EDC3: variants seen among roughly 807,000 people sequenced by gnomAD.
EDC3 encodes enhancer of mRNA decapping 3, also known as enhancer of mRNA-decapping protein 3.
EDC3 carries 20 observed loss-of-function variants against 41.8 expected under a neutral mutation model. The ratio of observed to expected loss-of-function variants is 0.48; its 90% CI spans 0.34 to 0.70. The LOEUF (loss-of-function observed/expected upper bound fraction) is 0.70, where lower values mean the gene tolerates loss of function less well. Among genes scored for constraint, EDC3 ranks in the 30% least tolerant of loss-of-function variants. The probability of loss-of-function intolerance (pLI) is 0.01; values close to 1 mark genes in which losing one functional copy is unlikely to be tolerated. For synonymous variants in EDC3, 206 were observed against 243.2 expected, an observed-to-expected ratio of 0.85 and a Z score of 1.42; for missense variants, 444 against 636.8, an observed-to-expected ratio of 0.70 and a Z score of 3.26.
At chr15:74,648,721 G>A (rs1200722071) in intron 4 of EDC3, among the ~76,000 whole-genome samples, 1 of 152,174 alleles carries the variant, frequency 6.6e-6, no homozygotes, top group Non-Finnish European at 1.5e-5. Flanking sequence ...CGCACAGTGT[G>A]GAAGTGGATC....
At chr15:74,664,922 C>G (rs1201073654) in intron 3 of EDC3, among the ~76,000 whole-genome samples, 1 of 152,212 alleles carries the variant, frequency 6.6e-6, no homozygotes, top group East Asian at 1.9e-4. Context: ...TTCTCTCCAC[C>G]TCCAGTAACA....
At chr15:74,635,215 A>G in intron 6 of EDC3, 194 bp downstream of exon 6, 1 of 704,446 alleles carries the variant, frequency 1.4e-6, no homozygotes, top group Admixed American at 2.0e-5. Context: ...CCAGCTCTTC[A>G]TGTGAGTAGT....
At position 74,674,344 on chromosome 15, in the gene EDC3, A is replaced by G. The variant is rs372673571; in HGVS notation, c.164+617T>C. 1.1e-4 allele frequency among the ~76,000 whole-genome samples: 16 copies of G among 152,278 alleles called. No individual in the cohort carries two copies. The East Asian group carries it at 2.9e-3, about 28-fold the overall frequency. On this transcript the variant is annotated intron_variant, in intron 2 of 6. Transcript: ENST00000315127. ...AGCCAGTTTTGAAATCCTAGCCTCA[A>G]GTGATACTGCTGCCTTGGCCTCCCA...
At chr15:74,651,622 T>C (rs2062481468) in intron 4 of EDC3, among the ~76,000 whole-genome samples, 1 of 152,180 alleles carries the variant, frequency 6.6e-6, no homozygotes. Flanking sequence ...GGGTAATAAA[T>C]ATGTTGTTCT....
rs748368878 is a variant in EDC3 at position 74,632,867 on chromosome 15, C to T, written c.1272G>A (p.Trp424Ter). Reference protein sequence around the residue: ...PENVFLRDQPWYKAAVAWANQ... With the variant: ...PENVFLRDQP ...TGGCCCAGGCCACAGCTGCCTTGTA[C>T]CAGGGTTGATCGCGCAGGAAGACGT... is the stretch of plus-strand genomic sequence containing the variant. The change falls in exon 7 of 7, where the codon TGG becomes TGA. Residue 424 changes from tryptophan (W) to a stop codon, truncating the protein, a stop_gained. Transcript: ENST00000315127. LOFTEE classifies it high-confidence loss of function. The surrounding 1 kb of genome is among the most constrained non-coding windows in gnomAD (Gnocchi z 4.0). The T allele has an allele frequency of 6.2e-7, 1 of 1,614,218 alleles. No individual in the cohort carries two copies. The highest frequency in any genetic ancestry group is 8.5e-7 in the Non-Finnish European group (1 of 1,180,040).
chr15:74,655,586 C>A, intron 4 of EDC3, 147 bp downstream of exon 4: 1 of 772,842 alleles, frequency 1.3e-6, no homozygotes, highest in Non-Finnish European at 2.0e-6. Flanking sequence ...GCTGCAATCC[C>A]CAAGAGACAA....
chr15:74,668,983 C>T (rs2062709092), intron 3 of EDC3, among the ~76,000 whole-genome samples: 2 of 152,254 alleles, frequency 1.3e-5, no homozygotes, highest in East Asian at 3.9e-4. Flanking sequence ...CGTCTGTAAT[C>T]CCAGCACTTG....
In EDC3 at chr15:74,635,419, A is replaced by T. The variant is rs2062260408; in HGVS notation, c.1182T>A (p.Ser394=). Reference sequence around the variant, plus strand: ...TGCCTAAGTGCTCACCTTTGAGGCTAGACACTTGTTGGCCTTGGGTCTTGC... The same window carrying T: ...TGCCTAAGTGCTCACCTTTGAGGCTTGACACTTGTTGGCCTTGGGTCTTGC... ...LFSKTQGQQV[S]SLKDLPTSPV... The change falls in exon 6 of 7, where the codon TCT becomes TCA. Residue 394 remains serine, a synonymous_variant. Transcript: ENST00000315127. The T allele has an allele frequency of 3.1e-6, 5 of 1,614,208 alleles. No individual in the cohort carries two copies. Among genetic ancestry groups the T allele is most frequent in the Non-Finnish European group, 4.2e-6 (5 of 1,179,998 alleles).
At chr15:74,669,203 C>T (rs1445726411) in intron 3 of EDC3, among the ~76,000 whole-genome samples, 1 of 151,884 alleles carries the variant, frequency 6.6e-6, no homozygotes, top group African/African-American at 2.4e-5. Context: ...ATTAGCCAGA[C>T]GTGGTGGCAC....
chr15:74,654,866 A>G (rs1029192185), intron 4 of EDC3, among the ~76,000 whole-genome samples: 2 of 152,246 alleles, frequency 1.3e-5, no homozygotes, highest in Non-Finnish European at 2.9e-5. Flanking sequence ...AGCTACCAGC[A>G]TTCAAGATTT....
intron 2 of EDC3, among the ~76,000 whole-genome samples, chr15:74,674,263 C>T (rs2141655625): frequency 6.6e-6 from 1 of 152,216 alleles, no homozygotes; most frequent in African/African-American, 2.4e-5. Flanking sequence ...TGCCACCACA[C>T]CCAGCTAATT....
chr15:74,689,222 G>A (rs981505972), intron 1 of EDC3, among the ~76,000 whole-genome samples: 1 of 152,302 alleles, frequency 6.6e-6, no homozygotes, highest in Admixed American at 6.5e-5. Context: ...GTACCATTTT[G>A]TATTACCATC....
intron 2 of EDC3, among the ~76,000 whole-genome samples, chr15:74,673,066 T>C (rs916815812): frequency 7.9e-5 from 12 of 152,014 alleles, no homozygotes; most frequent in Admixed American, 5.9e-4. Context: ...GCAAGTGTTA[T>C]GGTGATACTA....
At chr15:74,662,435 A>T (rs2061220) in intron 3 of EDC3, among the ~76,000 whole-genome samples, 32,203 of 137,438 alleles carry the variant, frequency 0.23, 5,012 homozygotes, top group East Asian at 0.45. Context: ...ATATATATAT[A>T]TTTTTTTTTT....
chr15:74,633,309 C>G (rs2141566324), intron 6 of EDC3, among the ~76,000 whole-genome samples: 1 of 152,352 alleles, frequency 6.6e-6, no homozygotes, highest in South Asian at 2.1e-4. Context: ...ACCTTATGAC[C>G]TCTGGGAAGG....
intron 3 of EDC3, among the ~76,000 whole-genome samples, chr15:74,663,394 C>T (rs1433166587): frequency 3.9e-5 from 6 of 152,130 alleles, no homozygotes; most frequent in South Asian, 2.1e-4. Flanking sequence ...CTAAGCAGTG[C>T]GCTAACCACT....
At chr15:74,667,834 G>A (rs2062694309) in intron 3 of EDC3, among the ~76,000 whole-genome samples, 1 of 152,190 alleles carries the variant, frequency 6.6e-6, no homozygotes, top group Admixed American at 6.5e-5. Flanking sequence ...TGAAGATGCT[G>A]TGTCCTCAAG....
chr15:74,671,428 AAGAAATATCAACTT>A lies in EDC3; in HGVS notation c.484+13_484+26del. On this transcript the variant is annotated intron_variant, in intron 3 of 6. Coordinates refer to ENST00000315127, the MANE Select transcript of EDC3 (RefSeq NM_025083.5). The surrounding 1 kb of genome is among the most constrained non-coding windows in gnomAD (Gnocchi z 4.6). ...TATAGCCCTGAAACACCAGATTGAGAAGAAATATCAACTTGACCCTACTTACAGGAGTTGTGCCG... is the reference window on the plus strand; with the variant it reads ...TATAGCCCTGAAACACCAGATTGAGAGACCCTACTTACAGGAGTTGTGCCG... The A allele has an allele frequency of 6.3e-7, 1 of 1,593,352 alleles. No individual in the cohort carries two copies. Among genetic ancestry groups the A allele is most frequent in the Non-Finnish European group, 8.6e-7 (1 of 1,165,964 alleles).
chr15:74,671,412 G>C lies in EDC3; in HGVS notation c.484+43C>G. ...AGCAGTGCTTATGGCTTATAGCCCT[G>C]AAACACCAGATTGAGAAGAAATATC... On this transcript the variant is annotated intron_variant, in intron 3 of 6. Coordinates refer to ENST00000315127, the MANE Select transcript of EDC3 (RefSeq NM_025083.5). The surrounding 1 kb of genome is among the most constrained non-coding windows in gnomAD (Gnocchi z 4.6). 2 of 1,578,692 alleles carry C rather than the reference G, an allele frequency of 1.3e-6. No homozygotes were observed. Among genetic ancestry groups the C allele is most frequent in the South Asian group, 2.3e-5 (2 of 85,718 alleles).
Sources: allele counts gnomAD v4.1 joint callset (sites outside exome capture counted in the v4.1 genomes callset), GRCh38; gene constraint gnomAD v4.1.1; non-coding constraint Gnocchi (gnomAD v3.1); transcripts MANE v1.5; gene names NCBI Gene and HGNC (gene_info 2026-07-23, HGNC 2026-07-21).